The following GATAD2A variants were observed in gnomAD, a reference collection of about 807,000 sequenced individuals.
GATAD2A encodes the protein GATA zinc finger domain containing 2A.
GATAD2A carries 12 observed loss-of-function variants against 68.5 expected under a neutral mutation model. The ratio of observed to expected loss-of-function variants is 0.18; its 90% CI spans 0.11 to 0.28. GATAD2A has a LOEUF of 0.28. GATAD2A is among the 10% of genes least tolerant of loss of function. GATAD2A has a pLI of 1.00. For synonymous variants in GATAD2A, 410 were observed against 375.3 expected (o/e 1.09, Z -1.07); for missense variants, 755 against 868.5 (o/e 0.87, Z 1.64).
At chr19:19,485,617 C>T (rs1448564449) in intron 2 of GATAD2A, among the ~76,000 whole-genome samples, 1 of 152,192 alleles carries the variant, frequency 6.6e-6, no homozygotes, top group Admixed American at 6.5e-5. Flanking sequence ...TCTGTGACCT[C>T]ACCTGAAAAG....
chr19:19,502,741 C>G (rs1490520338), intron 11 of GATAD2A, among the ~76,000 whole-genome samples: 1 of 152,272 alleles, frequency 6.6e-6, no homozygotes, highest in African/African-American at 2.4e-5. Flanking sequence ...CACCCTCACT[C>G]TCTGCACCCA....
At chr19:19,422,020 A>C (rs4808197) in intron 1 of GATAD2A, among the ~76,000 whole-genome samples, 1 of 151,974 alleles carries the variant, frequency 6.6e-6, no homozygotes, top group Non-Finnish European at 1.5e-5. Flanking sequence ...CTAGGGTTTC[A>C]CCATGTTGGC....
chr19:19,404,040 A>G (rs980603379), upstream of GATAD2A, among the ~76,000 whole-genome samples: 5 of 152,070 alleles, frequency 3.3e-5, no homozygotes, highest in Non-Finnish European at 5.9e-5. Context: ...TGTATTTTGT[A>G]TCATTTTTAG....
intron 2 of GATAD2A, among the ~76,000 whole-genome samples, chr19:19,491,942 C>G (rs1002920311): frequency 2.0e-5 from 3 of 152,206 alleles, no homozygotes; most frequent in African/African-American, 7.2e-5. Flanking sequence ...TGAGCAGGGC[C>G]CCAGGATCCC....
chr19:19,461,709 G>A (rs1437724525), intron 1 of GATAD2A, among the ~76,000 whole-genome samples: 8 of 152,216 alleles, frequency 5.3e-5, no homozygotes, highest in Admixed American at 2.6e-4. Flanking sequence ...TGTGCGGGAC[G>A]TATCAGAGGA....
At chr19:19,494,684 T>G (rs1448960930) in intron 5 of GATAD2A, among the ~76,000 whole-genome samples, 1 of 152,212 alleles carries the variant, frequency 6.6e-6, no homozygotes, top group African/African-American at 2.4e-5. Flanking sequence ...TCGTGTTGAC[T>G]CTTCCGGCCA....
chr19:19,414,530 C>CTTT lies in GATAD2A; in HGVS notation c.-7+8534_-7+8536dup, dbSNP rs758728889. 5.6e-4 allele frequency among the ~76,000 whole-genome samples: 39 copies of CTTT among 70,218 alleles called. 1 individual carries two copies. The highest frequency in any genetic ancestry group is 1.2e-3 in the African/African-American group (20 of 16,652). The allele number at this position is 70,218 out of a possible 152,430, so 46.1% of individuals were successfully genotyped here. On this transcript the variant is annotated intron_variant, in intron 1 of 11. Transcript: ENST00000683918. ...TCAGTTTCCTTCCTCAGGGCCTTGT[C>CTTT]TTTTTTTTTTTTTTTTTTTTTTTTT...
chr19:19,502,011 G>A lies in GATAD2A; in HGVS notation c.1546G>A (p.Ala516Thr), dbSNP rs1350413614. 1 of 1,613,952 alleles carries A rather than the reference G, an allele frequency of 6.2e-7. No individual in the cohort carries two copies. Among genetic ancestry groups the A allele is most frequent in the South Asian group, 1.1e-5 (1 of 91,084 alleles). The stretch of plus-strand genomic sequence containing the variant: ...TAAGTTGGCGTTCCGCTCAGGAGAG[G>A]CCCGCGACTGGAGTAACGGGGCTGT... ...RRKLAFRSGE[A>T]RDWSNGAVLQ... The change falls in exon 10 of 12, where the codon GCC becomes ACC. Residue 516 changes from alanine (A) to threonine (T), a missense_variant. Transcript: ENST00000683918.
intron 1 of GATAD2A, among the ~76,000 whole-genome samples, chr19:19,424,387 G>A (rs2147312663): frequency 6.6e-6 from 1 of 152,190 alleles, no homozygotes; most frequent in East Asian, 1.9e-4. Flanking sequence ...GAGCCAGCAT[G>A]CCCAGCTAAT....
chr19:19,496,565 C>T (rs998159579), intron 7 of GATAD2A, among the ~76,000 whole-genome samples: 1 of 152,248 alleles, frequency 6.6e-6, no homozygotes, highest in African/African-American at 2.4e-5. Context: ...AGTCGAGGCC[C>T]AGGAGAGGCC....
intron 1 of GATAD2A, 61 bp from the exon 2 acceptor site, chr19:19,465,279 C>T: frequency 2.3e-6 from 3 of 1,310,424 alleles, no homozygotes; most frequent in Non-Finnish European, 3.3e-6. Context: ...GAAAAGTCTC[C>T]AAGAAGGTGG....
chr19:19,445,346 T>C (rs2055588771), intron 1 of GATAD2A, among the ~76,000 whole-genome samples: 2 of 152,222 alleles, frequency 1.3e-5, no homozygotes, highest in Admixed American at 1.3e-4. Flanking sequence ...GAGGGGTTCA[T>C]GGCTATTGGA....
intron 2 of GATAD2A, among the ~76,000 whole-genome samples, chr19:19,483,963 A>G (rs749766471): frequency 6.6e-6 from 1 of 151,930 alleles, no homozygotes; most frequent in Non-Finnish European, 1.5e-5. Flanking sequence ...CTGTGTCTAG[A>G]CAACAGAGCT....
chr19:19,428,788 C>T (rs2053384106), intron 1 of GATAD2A, among the ~76,000 whole-genome samples: 1 of 152,022 alleles, frequency 6.6e-6, no homozygotes, highest in African/African-American at 2.4e-5. Flanking sequence ...GACACTGGGG[C>T]AACTCTCAAT....
intron 2 of GATAD2A, among the ~76,000 whole-genome samples, chr19:19,490,727 A>G (rs74181141): frequency 3.4e-5 from 5 of 149,020 alleles, no homozygotes; most frequent in Non-Finnish European, 7.4e-5. Flanking sequence ...ACAAAAATAC[A>G]AAAAAAAAAT....
At chr19:19,453,789 G>T (rs1224801685) in intron 1 of GATAD2A, among the ~76,000 whole-genome samples, 3 of 151,272 alleles carry the variant, frequency 2.0e-5, no homozygotes, top group African/African-American at 4.9e-5. Flanking sequence ...CAGTTCTCCC[G>T]AGTAGCTGGG....
chr19:19,470,970 G>GC (rs1268453525), intron 2 of GATAD2A, among the ~76,000 whole-genome samples: 1 of 152,246 alleles, frequency 6.6e-6, no homozygotes, highest in Non-Finnish European at 1.5e-5. Flanking sequence ...AAAAGTAGAA[G>GC]CAGGGCCAGG....
At chr19:19,467,703 G>T (rs1391673713) in intron 2 of GATAD2A, among the ~76,000 whole-genome samples, 1 of 152,050 alleles carries the variant, frequency 6.6e-6, no homozygotes, top group Non-Finnish European at 1.5e-5. Flanking sequence ...ACCGAATCTG[G>T]GCATATTGAA....
rs533684703 is a variant in GATAD2A at position 19,501,359 on chromosome 19, G to A, written c.1446G>A (p.Thr482=). 1.2e-5 allele frequency: 19 copies of A among 1,611,372 alleles called. No individual in the cohort carries two copies. Among genetic ancestry groups the A allele is most frequent in the Admixed American group, 5.0e-5 (3 of 59,878 alleles). Residue 482 remains threonine, a synonymous_variant, in exon 9 of 12, where the codon ACG becomes ACA. Coordinates refer to ENST00000683918, the MANE Select transcript of GATAD2A (RefSeq NM_001384528.1). ...AGCAGCGGCTCCTGCAGCAGGGCAC[G>A]GCCCCTGCACAGGCCAAGGCCGAGC... The part of the protein sequence containing the change: ...EIEQRLLQQG[T]APAQAKAEPT...
Sources: allele counts gnomAD v4.1 joint callset (sites outside exome capture counted in the v4.1 genomes callset), GRCh38; gene constraint gnomAD v4.1.1; transcripts MANE v1.5; gene names NCBI Gene and HGNC (gene_info 2026-07-23, HGNC 2026-07-21).